Variants in FAF1 observed in about 807,000 individuals in gnomAD.
FAF1 encodes the protein Fas associated factor 1.
Under a neutral mutation model 92.5 loss-of-function variants are expected in FAF1, and 25 were observed. That is an observed-to-expected ratio of 0.27 (90% CI 0.20 to 0.38). The LOEUF (loss-of-function observed/expected upper bound fraction) is 0.38. Ranked by LOEUF, FAF1 falls within the 10% of genes least tolerant of loss-of-function variation. FAF1 has a pLI of 1.00. For missense variants in FAF1, 636 were observed against 793.3 expected (o/e 0.80, Z 2.38); for synonymous variants, 234 against 273.2 (o/e 0.86, Z 1.42).
chr1:50,524,516 G>A (rs1647690362), intron 15 of FAF1, among the ~76,000 whole-genome samples: 1 of 151,990 alleles, frequency 6.6e-6, no homozygotes, highest in Non-Finnish European at 1.5e-5. Context: ...TTATAGTTTT[G>A]GGTTTTCCAT....
intron 2 of FAF1, among the ~76,000 whole-genome samples, chr1:50,839,477 T>C (rs1644239114): frequency 6.6e-6 from 1 of 152,122 alleles, no homozygotes; most frequent in Non-Finnish European, 1.5e-5. Context: ...TGATCACTAA[T>C]AATAGCCTGA....
intron 2 of FAF1, among the ~76,000 whole-genome samples, chr1:50,840,445 T>C (rs1342582317): frequency 1.3e-5 from 2 of 151,866 alleles, no homozygotes. Flanking sequence ...AAGATTTTAA[T>C]AGATACTTCA....
chr1:50,861,495 C>T (rs965215448), intron 1 of FAF1, among the ~76,000 whole-genome samples: 2 of 151,688 alleles, frequency 1.3e-5, no homozygotes, highest in Non-Finnish European at 2.9e-5. Context: ...GAGAGTTAAA[C>T]AATGGAGACA....
At chr1:50,520,073 G>A (rs1443379059) in intron 15 of FAF1, among the ~76,000 whole-genome samples, 1 of 151,660 alleles carries the variant, frequency 6.6e-6, no homozygotes, top group Non-Finnish European at 1.5e-5. Context: ...CAAATTAATG[G>A]TAGTTTACCT....
intron 6 of FAF1, among the ~76,000 whole-genome samples, chr1:50,723,256 C>T (rs61781034): frequency 0.036 from 5,467 of 151,898 alleles, 158 homozygotes; most frequent in Non-Finnish European, 0.051. Flanking sequence ...CAAAAATGAG[C>T]CAGGTGTGGC....
At chr1:50,555,379 C>T (rs924109638) in intron 13 of FAF1, among the ~76,000 whole-genome samples, 13 of 151,936 alleles carry the variant, frequency 8.6e-5, no homozygotes, top group African/African-American at 3.1e-4. Flanking sequence ...GGATTACTAT[C>T]AAGAATCTAC....
chr1:50,949,367 G>A (rs891021987), intron 1 of FAF1, among the ~76,000 whole-genome samples: 8 of 152,238 alleles, frequency 5.3e-5, no homozygotes, highest in East Asian at 1.9e-4. Flanking sequence ...ACTATCGGGC[G>A]ATGCCTGTGC....
In FAF1 at chr1:50,705,829, C is replaced by T. The variant is rs762629521; in HGVS notation, c.614G>A (p.Arg205Gln). Residue 205 changes from arginine (R) to glutamine (Q), a missense_variant, in exon 7 of 19, where the codon CGG becomes CAG. Transcript: ENST00000396153. ...TCCTGAGAAGTTCAGGTTGTACTCCCGCTGGACTTCTCGGTGGGTGATGAT... is the reference window on the plus strand; with the variant it reads ...TCCTGAGAAGTTCAGGTTGTACTCCTGCTGGACTTCTCGGTGGGTGATGAT... Reference protein sequence around the residue: ...MLIITHREVQREYNLNFSGSS... With the variant: ...MLIITHREVQQEYNLNFSGSS... The T allele has an allele frequency of 3.7e-6, 6 of 1,612,218 alleles. No homozygotes were observed. The highest frequency in any genetic ancestry group is 1.7e-5 in the Admixed American group (1 of 59,952).
chr1:50,624,725 C>T (rs1383507948), intron 8 of FAF1, among the ~76,000 whole-genome samples: 2 of 152,126 alleles, frequency 1.3e-5, no homozygotes, highest in Admixed American at 6.6e-5. Flanking sequence ...AACAGCATTA[C>T]CATATCTCTA....
chr1:50,494,449 T>C (rs1646875730), intron 15 of FAF1, among the ~76,000 whole-genome samples: 2 of 152,250 alleles, frequency 1.3e-5, no homozygotes. Flanking sequence ...TAGAAATTTT[T>C]ACACATCGAT....
At chr1:50,535,291 G>A (rs2149037673) in intron 15 of FAF1, 78 bp downstream of exon 15, 1 of 935,998 alleles carries the variant, frequency 1.1e-6, no homozygotes, top group Non-Finnish European at 1.7e-6. Flanking sequence ...TCATATCATA[G>A]GCATGTATCA....
chr1:50,876,218 A>T (rs1644570349), intron 1 of FAF1, among the ~76,000 whole-genome samples: 1 of 152,224 alleles, frequency 6.6e-6, no homozygotes, highest in Non-Finnish European at 1.5e-5. Context: ...AAAGGTGGAG[A>T]ACATTCCATA....
At chr1:50,858,783 G>C (rs1219861739) in intron 1 of FAF1, among the ~76,000 whole-genome samples, 2 of 151,628 alleles carry the variant, frequency 1.3e-5, no homozygotes, top group Admixed American at 6.6e-5. Flanking sequence ...ACATACTTGT[G>C]ACCAAACTAA....
At chr1:50,480,898 G>A (rs897260106) in intron 17 of FAF1, among the ~76,000 whole-genome samples, 11 of 152,278 alleles carry the variant, frequency 7.2e-5, no homozygotes, top group Admixed American at 6.5e-4. Flanking sequence ...GTGTGTTACT[G>A]CCCCAAAGAC....
intron 13 of FAF1, among the ~76,000 whole-genome samples, chr1:50,540,629 A>C (rs1648715088): frequency 6.6e-6 from 1 of 152,182 alleles, no homozygotes; most frequent in Non-Finnish European, 1.5e-5. Flanking sequence ...AAAACTGATA[A>C]AGCTTTTCTC....
intron 7 of FAF1, among the ~76,000 whole-genome samples, chr1:50,684,086 T>C (rs755871600): frequency 6.6e-6 from 1 of 152,144 alleles, no homozygotes; most frequent in African/African-American, 2.4e-5. Context: ...GTTCACACTA[T>C]TGGTTTCCAA....
chr1:50,795,365 C>T (rs148104846), intron 3 of FAF1, among the ~76,000 whole-genome samples: 1 of 152,182 alleles, frequency 6.6e-6, no homozygotes, highest in Non-Finnish European at 1.5e-5. Flanking sequence ...ATGGACTTTG[C>T]GAATACCATA....
chr1:50,791,272 T>C (rs985704267), intron 3 of FAF1, among the ~76,000 whole-genome samples: 4 of 152,228 alleles, frequency 2.6e-5, no homozygotes, highest in Admixed American at 2.6e-4. Flanking sequence ...CATCTAAAGC[T>C]TGTCATAACT....
At chr1:50,932,441 G>A (rs979692242) in intron 1 of FAF1, among the ~76,000 whole-genome samples, 9 of 152,190 alleles carry the variant, frequency 5.9e-5, no homozygotes, top group South Asian at 2.1e-4. Flanking sequence ...GAAATCCAGC[G>A]GGGCAGTTAA....
Sources: allele counts gnomAD v4.1 joint callset (sites outside exome capture counted in the v4.1 genomes callset), GRCh38; gene constraint gnomAD v4.1.1; transcripts MANE v1.5; gene names NCBI Gene and HGNC (gene_info 2026-07-23, HGNC 2026-07-21).